Variants in POU6F2 observed in about 807,000 individuals in gnomAD.
POU6F2 encodes the protein POU class 6 homeobox 2, also known as POU domain, class 6, transcription factor 2.
A neutral mutation model predicts 71.3 loss-of-function variants in POU6F2; 31 were observed. That is an observed-to-expected ratio of 0.43 (90% confidence interval 0.33 to 0.59). POU6F2 has a LOEUF of 0.59. POU6F2 is among the 20% of genes least tolerant of loss of function. The pLI, the probability that POU6F2 is intolerant of heterozygous loss-of-function variation, is 0.04. For synonymous variants in POU6F2, 347 were observed against 355.7 expected (o/e 0.98, Z 0.27); for missense variants, 783 against 856.8 (o/e 0.91, Z 1.07).
intron 1 of POU6F2, among the ~76,000 whole-genome samples, chr7:39,048,876 G>A (rs1327906086): frequency 6.6e-6 from 1 of 151,894 alleles, no homozygotes; most frequent in Non-Finnish European, 1.5e-5. Context: ...CATTCTGACT[G>A]GTGTGAGATG....
rs543397628 is a variant in POU6F2, at chr7:39,190,927, G to C, written c.278-13308G>C. On this transcript the variant is annotated intron_variant, in intron 2 of 9. Coordinates refer to ENST00000518318, the MANE Select transcript of POU6F2 (RefSeq NM_001370959.1). ...TGGGATTACAGGCATGAACCACCAC[G>C]CCCAGCTGAGTCAACTTCTTCTAAT... 1.7e-3 allele frequency among the ~76,000 whole-genome samples: 255 copies of C among 152,154 alleles called. 1 individual carries two copies. Among genetic ancestry groups the C allele is most frequent in the African/African-American group, 5.8e-3 (240 of 41,528 alleles).
At chr7:39,463,986 C>A (rs1187791744) in intron 9 of POU6F2, among the ~76,000 whole-genome samples, 196 bp from the exon 10 acceptor site, 1 of 152,204 alleles carries the variant, frequency 6.6e-6, no homozygotes, top group Non-Finnish European at 1.5e-5. Flanking sequence ...CCTGTCTGTG[C>A]ACCTGTGTGG....
intron 2 of POU6F2, among the ~76,000 whole-genome samples, chr7:39,203,863 TG>T: frequency 6.6e-6 from 1 of 152,134 alleles, no homozygotes; most frequent in South Asian, 2.1e-4. Flanking sequence ...ATGAAGGAGA[TG>T]GGGAAAGCCA....
chr7:39,077,814 G>A (rs189950701), intron 1 of POU6F2, among the ~76,000 whole-genome samples: 1 of 152,140 alleles, frequency 6.6e-6, no homozygotes, highest in East Asian at 1.9e-4. Flanking sequence ...ATAAAGTATT[G>A]GGGATTAGTG....
intron 1 of POU6F2, among the ~76,000 whole-genome samples, chr7:39,000,187 T>G (rs1788860865): frequency 1.3e-5 from 2 of 151,816 alleles, no homozygotes; most frequent in African/African-American, 4.9e-5. Flanking sequence ...AGCAAGCATG[T>G]TTGGGGGGAC....
chr7:39,086,139 A>G (rs1791241139), intron 2 of POU6F2, 108 bp downstream of exon 2: 2 of 1,150,610 alleles, frequency 1.7e-6, no homozygotes, highest in Non-Finnish European at 2.3e-6. Flanking sequence ...TTTTCCCGTA[A>G]GTACTAAAAA....
At chr7:39,116,896 C>T (rs903885199) in intron 2 of POU6F2, among the ~76,000 whole-genome samples, 10 of 152,024 alleles carry the variant, frequency 6.6e-5, no homozygotes, top group African/African-American at 1.9e-4. Context: ...AAACTAAATA[C>T]AGAATTTTAA....
chr7:39,281,814 T>A (rs1784567085), intron 4 of POU6F2, among the ~76,000 whole-genome samples: 1 of 152,188 alleles, frequency 6.6e-6, no homozygotes, highest in Admixed American at 6.5e-5. Flanking sequence ...TTTGGCTATA[T>A]ACCCAGTACT....
At chr7:39,226,912 A>G (rs188432318) in intron 4 of POU6F2, among the ~76,000 whole-genome samples, 32 of 152,298 alleles carry the variant, frequency 2.1e-4, no homozygotes, top group Middle Eastern at 3.4e-3. Flanking sequence ...TTCACATGCT[A>G]TTCTTCTTCC....
intron 1 of POU6F2, among the ~76,000 whole-genome samples, chr7:39,027,230 C>T (rs1789829278): frequency 1.3e-5 from 2 of 152,126 alleles, no homozygotes; most frequent in Non-Finnish European, 2.9e-5. Context: ...TTTGAAGCTT[C>T]TTTCAAATAC....
rs147268192 is a variant in POU6F2 at position 39,154,797 on chromosome 7, G to T, written c.278-49438G>T. Among the ~76,000 whole-genome samples, 436 of 152,244 alleles carry T rather than the reference G, an allele frequency of 2.9e-3. 1 individual carries two copies. Among genetic ancestry groups the T allele is most frequent in the African/African-American group, 9.9e-3 (413 of 41,546 alleles). ...GTACCGATGACTGCCCTGGCTCAAG[G>T]CATAGTAATCTTTCCCTTTGTTTAC... On this transcript the variant is annotated intron_variant, in intron 2 of 9. Transcript: ENST00000518318.
At chr7:39,207,739 A>G in intron 4 of POU6F2, 119 bp downstream of exon 4, 1 of 930,912 alleles carries the variant, frequency 1.1e-6, no homozygotes, top group East Asian at 2.7e-5. Flanking sequence ...TTCTGCCCTA[A>G]ATGATATGGA....
At chr7:38,994,573 T>C (rs1050365428) in intron 1 of POU6F2, among the ~76,000 whole-genome samples, 2 of 152,136 alleles carry the variant, frequency 1.3e-5, no homozygotes, top group African/African-American at 4.8e-5. Context: ...GTGACAGGGT[T>C]GGTGAGCAGA....
At position 39,166,986 on chromosome 7, in the gene POU6F2, A is replaced by G. The variant is rs140561224; in HGVS notation, c.278-37249A>G. ...CTATTAACTCATTTCAAAATAATACATATTCTTTGTAGCATATTCAAATAA... is the reference window on the plus strand; with the variant it reads ...CTATTAACTCATTTCAAAATAATACGTATTCTTTGTAGCATATTCAAATAA... On this transcript the variant is annotated intron_variant, in intron 2 of 9. Coordinates refer to ENST00000518318, the MANE Select transcript of POU6F2 (RefSeq NM_001370959.1). Among the ~76,000 whole-genome samples the G allele has an allele frequency of 2.1e-3, 320 of 152,296 alleles. 1 individual carries two copies. The highest frequency in any genetic ancestry group is 7.2e-3 in the African/African-American group (300 of 41,572).
intron 4 of POU6F2, among the ~76,000 whole-genome samples, chr7:39,254,734 C>G: frequency 6.6e-6 from 1 of 152,164 alleles, no homozygotes; most frequent in East Asian, 1.9e-4. Flanking sequence ...GTGTCTGTTG[C>G]AAAAGGTCTC....
At chr7:39,030,427 A>G (rs1789909715) in intron 1 of POU6F2, among the ~76,000 whole-genome samples, 2 of 145,584 alleles carry the variant, frequency 1.4e-5, no homozygotes, top group Non-Finnish European at 1.5e-5. Flanking sequence ...CTCTTGCCTG[A>G]GATCTGATTA....
At chr7:39,074,241 T>C (rs904248301) in intron 1 of POU6F2, among the ~76,000 whole-genome samples, 76 of 152,220 alleles carry the variant, frequency 5.0e-4, no homozygotes, top group African/African-American at 1.8e-3. Flanking sequence ...CCCAGCACTT[T>C]GCGAGGCTGA....
At chr7:39,143,188 G>C (rs1007213658) in intron 2 of POU6F2, among the ~76,000 whole-genome samples, 1 of 152,166 alleles carries the variant, frequency 6.6e-6, no homozygotes, top group Non-Finnish European at 1.5e-5. Flanking sequence ...TCTCCAAGTT[G>C]GTCCTCATAA....
At chr7:39,263,193 A>G (rs974664657) in intron 4 of POU6F2, among the ~76,000 whole-genome samples, 5 of 152,024 alleles carry the variant, frequency 3.3e-5, no homozygotes, top group African/African-American at 1.2e-4. Context: ...CTAATTTGTC[A>G]TAAGATTAAG....
Sources: gnomAD v4.1 joint callset for allele counts (sites outside exome capture counted in the v4.1 genomes callset) on GRCh38, gnomAD v4.1.1 for gene constraint, MANE v1.5 for transcripts, NCBI Gene and HGNC (gene_info 2026-07-23, HGNC 2026-07-21) for gene names.